Variants in CYRIB observed in about 807,000 individuals in gnomAD.
CYRIB encodes CYFIP-related Rac1 interactor B.
In CYRIB, 8 loss-of-function variants were observed where a neutral mutation model predicts 44.2. The ratio of observed to expected loss-of-function variants is 0.18; its 90% CI spans 0.11 to 0.33. The LOEUF (loss-of-function observed/expected upper bound fraction) is 0.33. Among genes scored for constraint, CYRIB ranks in the 10% least tolerant of loss-of-function variants. The pLI, the probability that CYRIB is intolerant of heterozygous loss-of-function variation, is 1.00. For missense variants in CYRIB, 185 were observed against 382.8 expected, an observed-to-expected ratio of 0.48 and a Z score of 4.31; for synonymous variants, 131 against 127.2, an observed-to-expected ratio of 1.03 and a Z score of -0.20.
chr8:129,841,405 A>C (rs1161848132), exon 12 of CYRIB: 1 of 152,662 alleles, frequency 6.6e-6, no homozygotes, highest in Non-Finnish European at 1.5e-5. Context: ...TATGCATTCC[A>C]TAAAAACATA....
At chr8:129,924,508 T>C (rs16904177) in intron 1 of CYRIB, among the ~76,000 whole-genome samples, 2,181 of 152,220 alleles carry the variant, frequency 0.014, 36 homozygotes, top group African/African-American at 0.045. Flanking sequence ...ACCATTATAC[T>C]GAACAAGCCG....
chr8:129,854,991 G>A (rs991531910), intron 6 of CYRIB, among the ~76,000 whole-genome samples: 1 of 152,142 alleles, frequency 6.6e-6, no homozygotes, highest in Non-Finnish European at 1.5e-5. Flanking sequence ...GGAAGAAAGC[G>A]GGAAAGGAGG....
chr8:129,882,504 C>G (rs1008020316), intron 2 of CYRIB, among the ~76,000 whole-genome samples: 7 of 152,122 alleles, frequency 4.6e-5, no homozygotes, highest in Non-Finnish European at 7.4e-5. Context: ...AACCTGAGTC[C>G]TTATCAACAC....
chr8:129,846,387 G>GA (rs1196347053), intron 11 of CYRIB, among the ~76,000 whole-genome samples: 2 of 152,098 alleles, frequency 1.3e-5, no homozygotes, highest in Non-Finnish European at 2.9e-5. Flanking sequence ...TATATGTAAA[G>GA]AAAAAACTCT....
intron 1 of CYRIB, among the ~76,000 whole-genome samples, chr8:129,930,169 C>T (rs1292940449): frequency 6.6e-6 from 1 of 151,398 alleles, no homozygotes; most frequent in Admixed American, 6.6e-5. Context: ...CGAGATCGCA[C>T]CACTGCACTC....
intron 1 of CYRIB, among the ~76,000 whole-genome samples, chr8:129,990,482 A>ATG (rs969985442): frequency 4.8e-5 from 7 of 146,024 alleles, no homozygotes; most frequent in African/African-American, 1.8e-4. Context: ...GTGTGCATGC[A>ATG]TGTGTGTGTG....
At chr8:129,855,857 AAAAC>A in intron 5 of CYRIB, 110 bp from the exon 8 acceptor site, 8 of 992,650 alleles carry the variant, frequency 8.1e-6, no homozygotes, top group Non-Finnish European at 1.2e-5. Flanking sequence ...TTCTCTTTAA[AAAAC>A]AGATGATCTA....
exon 12 of CYRIB, chr8:129,841,393 T>C (rs1458245741): frequency 1.3e-5 from 2 of 152,582 alleles, no homozygotes; most frequent in African/African-American, 4.8e-5. Context: ...ATGTAATGTA[T>C]ATATGCATTC....
intron 2 of CYRIB, among the ~76,000 whole-genome samples, chr8:129,963,398 AGCAAGGT>A (rs1333209920): frequency 6.6e-6 from 1 of 152,240 alleles, no homozygotes; most frequent in Non-Finnish European, 1.5e-5. Context: ...ACACAGATGA[AGCAAGGT>A]GATCCATACC....
intron 3 of CYRIB, among the ~76,000 whole-genome samples, chr8:129,878,971 T>C (rs1236944154): frequency 1.3e-5 from 2 of 152,218 alleles, no homozygotes; most frequent in African/African-American, 2.4e-5. Flanking sequence ...AGATTGATAT[T>C]TGAAATACTT....
chr8:129,911,756 CTAAAT>C (rs1380766121), intron 1 of CYRIB, among the ~76,000 whole-genome samples: 1 of 152,120 alleles, frequency 6.6e-6, no homozygotes, highest in Non-Finnish European at 1.5e-5. Context: ...GAGGCAAGGG[CTAAAT>C]TAAAAGGCTC....
chr8:129,852,121 C>T, intron 8 of CYRIB, 41 bp downstream of exon 10: 1 of 1,231,554 alleles, frequency 8.1e-7, no homozygotes, highest in Non-Finnish European at 1.1e-6. Flanking sequence ...CCAACAGGGG[C>T]ATAAATAACA....
At chr8:129,971,157 T>C (rs2095673846) in intron 1 of CYRIB, among the ~76,000 whole-genome samples, 162 bp from the exon 2 acceptor site, 1 of 152,258 alleles carries the variant, frequency 6.6e-6, no homozygotes. Context: ...TGTTTGTTTT[T>C]AAGACATAGT....
chr8:129,852,849 T>C (rs1047261180), intron 7 of CYRIB, among the ~76,000 whole-genome samples: 1 of 152,212 alleles, frequency 6.6e-6, no homozygotes, highest in African/African-American at 2.4e-5. Flanking sequence ...TCAGACTGTA[T>C]AGTGCCATAA....
At chr8:129,874,668 T>C (rs1000278412) in intron 3 of CYRIB, among the ~76,000 whole-genome samples, 1 of 152,134 alleles carries the variant, frequency 6.6e-6, no homozygotes, top group African/African-American at 2.4e-5. Context: ...AATAAGCCTC[T>C]GGCATGAATT....
chr8:129,843,596 C>G (rs1382101220), intron 11 of CYRIB, among the ~76,000 whole-genome samples: 1 of 152,188 alleles, frequency 6.6e-6, no homozygotes, highest in Non-Finnish European at 1.5e-5. Flanking sequence ...GAGATAAGGT[C>G]TGGCTATATT....
intron 1 of CYRIB, among the ~76,000 whole-genome samples, chr8:129,993,663 T>C (rs562810114): frequency 1.3e-5 from 2 of 151,270 alleles, no homozygotes; most frequent in African/African-American, 4.9e-5. Context: ...TGCCACTGCA[T>C]TCCAGCTTGG....
intron 2 of CYRIB, among the ~76,000 whole-genome samples, chr8:129,884,333 G>A (rs2061897750): frequency 6.6e-6 from 1 of 152,122 alleles, no homozygotes; most frequent in Non-Finnish European, 1.5e-5. Context: ...TTGTTGCCCA[G>A]ACTGGAGTGC....
chr8:129,977,613 A>G (rs1202547822), intron 1 of CYRIB, among the ~76,000 whole-genome samples: 9 of 148,842 alleles, frequency 6.0e-5, no homozygotes, highest in South Asian at 2.1e-4. Flanking sequence ...CTCACTGCAA[A>G]CTCCACCTCC....
Sources: gnomAD v4.1 joint callset for allele counts (sites outside exome capture counted in the v4.1 genomes callset) on GRCh38, gnomAD v4.1.1 for gene constraint, MANE v1.5 for transcripts, NCBI Gene and HGNC (gene_info 2026-07-23, HGNC 2026-07-21) for gene names.